The following SUPT20H variants were observed in gnomAD, a reference collection of about 807,000 sequenced individuals.
SUPT20H encodes the protein transcription factor SPT20 homolog.
A neutral mutation model predicts 122.8 loss-of-function variants in SUPT20H; 82 were observed. That is an observed-to-expected ratio of 0.67 (90% CI 0.56 to 0.80). SUPT20H has a LOEUF of 0.80. Among genes scored for constraint, SUPT20H ranks in the 30% least tolerant of loss-of-function variants. The pLI is 0.00. For synonymous variants in SUPT20H, 291 were observed against 313.0 expected (o/e 0.93, Z 0.74); for missense variants, 831 against 921.6 (o/e 0.90, Z 1.27).
chr13:37,015,717 A>G (rs1447996563), intron 23 of SUPT20H, among the ~76,000 whole-genome samples: 2 of 152,200 alleles, frequency 1.3e-5, no homozygotes, highest in Admixed American at 6.5e-5. Flanking sequence ...TCTCAAAGAG[A>G]TAATTGTACA....
At chr13:37,056,315 C>T (rs536078275) in intron 1 of SUPT20H, among the ~76,000 whole-genome samples, 1 of 152,288 alleles carries the variant, frequency 6.6e-6, no homozygotes, top group East Asian at 1.9e-4. Context: ...CACATGCACA[C>T]GTATGTTTAT....
intron 2 of SUPT20H, 129 bp from the exon 3 acceptor site, chr13:37,048,728 C>T (rs943235104): frequency 1.5e-5 from 10 of 665,532 alleles, no homozygotes; most frequent in Non-Finnish European, 1.9e-5. Context: ...TCCTCCACTC[C>T]ACTCTATGAT....
intron 13 of SUPT20H, 52 bp from the exon 14 acceptor site, chr13:37,028,357 T>C (rs1244652015): frequency 6.6e-7 from 1 of 1,509,976 alleles, no homozygotes; most frequent in Non-Finnish European, 9.0e-7. Context: ...AGGCAGGCAA[T>C]AAGAATTAGT....
Position 37,028,212 on chromosome 13 carries a change from A to G in SUPT20H, c.1087T>C (p.Tyr363His). The change falls in exon 14 of 26, where the codon TAC (tyrosine) becomes CAC (histidine). Residue 363 changes from tyrosine (Y) to histidine (H), a missense_variant. By Grantham distance (83) the Tyr-to-His change is moderately conservative. Transcript: ENST00000350612. The stretch of plus-strand genomic sequence containing the variant: ...TTACATGGCTGTATTTTACCATAGT[A>G]AAGTGGATCTCCAAGCGACTGCAAG... Reference protein sequence around the residue: ...TILQSLGDPLYYGKIQPCKAD... With the variant: ...TILQSLGDPLHYGKIQPCKAD... The G allele has an allele frequency of 6.2e-7, 1 of 1,613,676 alleles. No homozygotes were observed. The highest frequency in any genetic ancestry group is 8.5e-7 in the Non-Finnish European group (1 of 1,179,810).
In SUPT20H at chr13:37,047,866, A is replaced by C. The variant is rs771571100; in HGVS notation, c.98+12T>G. The C allele has an allele frequency of 1.3e-5, 21 of 1,598,472 alleles. No individual in the cohort carries two copies. In the South Asian group the frequency reaches 2.3e-4, roughly 17 times the overall value. On this transcript the variant is annotated intron_variant, in intron 4 of 25. Transcript: ENST00000350612. ...CAATGAATCTAAGATGTTACCAATT[A>C]ATTATTCATACCTTCCACTTGATAG...
chr13:37,015,214 GAA>G (rs2060237508), intron 23 of SUPT20H, among the ~76,000 whole-genome samples: 1 of 149,882 alleles, frequency 6.7e-6, no homozygotes, highest in South Asian at 2.1e-4. Context: ...AATCAAGAGT[GAA>G]AAGACAACAA....
Position 37,026,794 on chromosome 13 carries a change from T to C in SUPT20H, c.1174A>G (p.Asn392Asp). The change falls in exon 15 of 26, where the codon AAT becomes GAT. Residue 392 changes from asparagine (N) to aspartate (D), a missense_variant. Asn to Asp is a conservative substitution (Grantham distance 23). Coordinates refer to ENST00000350612, the MANE Select transcript of SUPT20H (RefSeq NM_001014286.3). ...PSHSSTDDHS[N>D]WFIIGSKTDA... ...AATAGTTTATTTTTTAATTACCAAT[T>C]TGAATGATCATCTGTGGACGAGCTG... 1 of 1,438,380 alleles carries C rather than the reference T, an allele frequency of 7.0e-7. No individual in the cohort carries two copies. The highest frequency in any genetic ancestry group is 1.5e-5 in the African/African-American group (1 of 67,628). 89.1% of individuals were successfully genotyped at this position (1,438,380 alleles called of 1,614,324 possible). A position where few individuals can be genotyped will look rare whatever the true frequency, so the allele number is the denominator to read the frequency against.
rs1456950179 is a variant in SUPT20H, at chr13:37,010,627, G to C, written c.2127C>G (p.Asn709Lys). 1.1e-5 allele frequency: 17 copies of C among 1,613,684 alleles called. No individual in the cohort carries two copies. The highest frequency in any genetic ancestry group is 3.3e-5 in the South Asian group (3 of 91,040). The change falls in exon 25 of 26, where the codon AAC (asparagine) becomes AAG (lysine). Residue 709 changes from asparagine to lysine, a missense_variant. By Grantham distance (94) the Asn-to-Lys change is moderately conservative. Transcript: ENST00000350612. ...AVLSQLGSAE[N>K]RPEQSLPQQR... Reference sequence around the variant, plus strand: ...GCTGAGGAAGGCTTTGCTCAGGTCTGTTCTCGGCAGAGCCAAGCTGAGACA... The same window carrying C: ...GCTGAGGAAGGCTTTGCTCAGGTCTCTTCTCGGCAGAGCCAAGCTGAGACA...
chr13:37,015,802 G>A (rs1300099471), intron 23 of SUPT20H, among the ~76,000 whole-genome samples: 1 of 152,068 alleles, frequency 6.6e-6, no homozygotes, highest in Non-Finnish European at 1.5e-5. Context: ...TGGATGAATG[G>A]ATAAACAAAA....
At chr13:37,026,274 T>C in intron 15 of SUPT20H, 38 bp from the exon 16 acceptor site, 3 of 1,396,918 alleles carry the variant, frequency 2.1e-6, no homozygotes, top group Non-Finnish European at 2.8e-6. Context: ...AGAAAAGTAT[T>C]AGGTAAGAGT....
intron 13 of SUPT20H, among the ~76,000 whole-genome samples, chr13:37,029,050 G>A (rs945867326): frequency 4.8e-4 from 73 of 152,010 alleles, no homozygotes; most frequent in Middle Eastern, 3.4e-3. Flanking sequence ...TTCACTCCCA[G>A]AGTTCACCTA....
chr13:37,048,016 ACGTAAGG>A, intron 3 of SUPT20H, 80 bp from the exon 4 acceptor site: 1 of 1,031,746 alleles, frequency 9.7e-7, no homozygotes, highest in Non-Finnish European at 1.4e-6. Context: ...TCTAAAACAT[ACGTAAGG>A]CTAAAAAGGC....
In SUPT20H at chr13:37,024,027, T is replaced by G. The variant is rs377572185; in HGVS notation, c.1591+8A>C. 1 of 1,595,574 alleles carries G rather than the reference T, an allele frequency of 6.3e-7. No individual in the cohort carries two copies. The highest frequency in any genetic ancestry group is 1.1e-5 in the South Asian group (1 of 87,540). ...AAGATTTAATGAAGAATTTAAGTTA[T>G]GACTCACTTTGTGATGAGCTGGCAG... On this transcript the variant is annotated splice_region_variant and intron_variant, in intron 19 of 25. Coordinates refer to ENST00000350612, the MANE Select transcript of SUPT20H (RefSeq NM_001014286.3).
chr13:37,044,266 A>G (rs2066008914), intron 6 of SUPT20H, 85 bp from the exon 7 acceptor site: 1 of 1,052,998 alleles, frequency 9.5e-7, no homozygotes, highest in Non-Finnish European at 1.3e-6. Context: ...AAAGAACTAT[A>G]TATAATAAAA....
chr13:37,058,591 T>C (rs1474082422), intron 1 of SUPT20H, among the ~76,000 whole-genome samples: 1 of 152,152 alleles, frequency 6.6e-6, no homozygotes, highest in Non-Finnish European at 1.5e-5. Flanking sequence ...AAGCAAACAT[T>C]CTGTCTATAC....
intron 16 of SUPT20H, chr13:37,025,712 A>G: frequency 3.2e-6 from 1 of 312,616 alleles, no homozygotes. Context: ...TTACTTAAGT[A>G]ATAAGCAGCC....
At chr13:37,019,455 A>T in intron 21 of SUPT20H, 58 bp from the exon 22 acceptor site, 1 of 1,257,244 alleles carries the variant, frequency 8.0e-7, no homozygotes, top group Non-Finnish European at 1.1e-6. Flanking sequence ...CATGAAAATA[A>T]TTTATACTTT....
Position 37,022,130 on chromosome 13 carries a change from C to T in SUPT20H, c.1592-50G>A. 6.2e-7 allele frequency: 1 copy of T among 1,614,068 alleles called. No homozygotes were observed. ...TGGAAAGAGGAATGGTTGTTACAGG[C>T]ATTGCCTGGCTCAGAGACCTTTGCT... On this transcript the variant is annotated intron_variant, in intron 19 of 25. Coordinates refer to ENST00000350612, the MANE Select transcript of SUPT20H (RefSeq NM_001014286.3). This position sits in a 1 kb window ranked among gnomAD's most constrained non-coding sequence, Gnocchi z 4.5.
intron 9 of SUPT20H, among the ~76,000 whole-genome samples, chr13:37,034,712 TAGA>T (rs2064015952): frequency 6.6e-6 from 1 of 152,216 alleles, no homozygotes; most frequent in Non-Finnish European, 1.5e-5. Context: ...AGCCTTATAT[TAGA>T]AGAATATGCC....
Sources: allele counts gnomAD v4.1 joint callset (sites outside exome capture counted in the v4.1 genomes callset), GRCh38; gene constraint gnomAD v4.1.1; non-coding constraint Gnocchi (gnomAD v3.1); transcripts MANE v1.5; gene names NCBI Gene and HGNC (gene_info 2026-07-23, HGNC 2026-07-21).